CFAP54: variants seen among roughly 807,000 people sequenced by gnomAD.
CFAP54 encodes cilia- and flagella-associated protein 54.
A neutral mutation model predicts 370.4 loss-of-function variants in CFAP54; 290 were observed. The observed-to-expected ratio is 0.78, with a 90% CI of 0.71 to 0.86. CFAP54 has a LOEUF of 0.86. Among genes scored for constraint, CFAP54 ranks in the 40% least tolerant of loss-of-function variants. The pLI is 0.00. For missense variants in CFAP54, 3,399 were observed against 3,528.7 expected (o/e 0.96, Z 0.93); for synonymous variants, 1,206 against 1,236.5 (o/e 0.98, Z 0.52).
intron 3 of CFAP54, among the ~76,000 whole-genome samples, chr12:96,506,075 C>T (rs924431658): frequency 2.0e-5 from 3 of 152,130 alleles, no homozygotes; most frequent in African/African-American, 7.2e-5. Context: ...CGCGGTGGCT[C>T]ACGCCTGTAA....
chr12:96,710,694 T>A (rs1380350231), intron 48 of CFAP54, among the ~76,000 whole-genome samples: 1 of 151,872 alleles, frequency 6.6e-6, no homozygotes, highest in African/African-American at 2.4e-5. Flanking sequence ...AGTTTTGCTC[T>A]TGTCACCCAG....
At chr12:96,654,974 G>A (rs1029039529) in intron 36 of CFAP54, among the ~76,000 whole-genome samples, 1 of 151,812 alleles carries the variant, frequency 6.6e-6, no homozygotes, top group Non-Finnish European at 1.5e-5. Context: ...ATTCTTTGGG[G>A]TATGAATTGA....
chr12:96,738,608 CTTT>C (rs71068829), intron 50 of CFAP54, among the ~76,000 whole-genome samples: 1 of 129,222 alleles, frequency 7.7e-6, no homozygotes, highest in African/African-American at 3.1e-5. Flanking sequence ...TCTAAATCTC[CTTT>C]TTTTTTTTTT....
chr12:96,554,630 T>C lies in CFAP54; in HGVS notation c.2284-46T>C. ...AATAGTATACAGCTATTTTTGTGTG[T>C]TTTGATAACTATATTTCTTTTTATT... On this transcript the variant is annotated intron_variant, in intron 16 of 67. Coordinates refer to ENST00000524981, the MANE Select transcript of CFAP54 (RefSeq NM_001306084.2). 2.0e-6 allele frequency: 3 copies of C among 1,472,848 alleles called. No individual in the cohort carries two copies. In the South Asian group the frequency reaches 4.0e-5, roughly 20 times the overall value. The allele number at this position is 1,472,848 out of a possible 1,614,324, so 91.2% of individuals were successfully genotyped here.
intron 14 of CFAP54, among the ~76,000 whole-genome samples, chr12:96,544,894 G>A (rs1332065413): frequency 6.6e-6 from 1 of 151,814 alleles, no homozygotes; most frequent in Non-Finnish European, 1.5e-5. Flanking sequence ...AAGCTATCAG[G>A]TATCTCTTCC....
chr12:96,539,259 C>T (rs1312224451), intron 13 of CFAP54, among the ~76,000 whole-genome samples: 1 of 151,504 alleles, frequency 6.6e-6, no homozygotes, highest in African/African-American at 2.4e-5. Context: ...TGGGGTTTCA[C>T]CATCTTGGCC....
intron 22 of CFAP54, among the ~76,000 whole-genome samples, chr12:96,584,450 C>T (rs1414470044): frequency 6.6e-5 from 10 of 151,966 alleles, no homozygotes; most frequent in African/African-American, 9.7e-5. Flanking sequence ...AGTGACAGAG[C>T]GAGACCCTGT....
intron 65 of CFAP54, among the ~76,000 whole-genome samples, chr12:96,826,999 ATGATTAATTATAATATGCAATTATATG>A (rs1565993951): frequency 1.1e-4 from 14 of 132,570 alleles, no homozygotes; most frequent in Admixed American, 7.8e-5. Context: ...GCAATTATAT[ATGATTAATTATAATATGCAATTATATG>A]TGATTATATA....
Position 96,550,583 on chromosome 12 carries a change from T to TA in CFAP54, c.2154+2612dup, listed in dbSNP as rs200580046. On this transcript the variant is annotated intron_variant, in intron 15 of 67. Coordinates refer to ENST00000524981, the MANE Select transcript of CFAP54 (RefSeq NM_001306084.2). ...CAAAGTGAGACTCTGTCTCAAAAAA[T>TA]AAAAAAATAAATAAAAGGGATATCT... Among the ~76,000 whole-genome samples the TA allele has an allele frequency of 9.6e-3, 1,453 of 151,938 alleles. 27 individuals carry two copies. The highest frequency in any genetic ancestry group is 0.033 in the African/African-American group (1,362 of 41,426).
chr12:96,540,760 T>C lies in CFAP54; in HGVS notation c.1927-77T>C, dbSNP rs995242700. Reference sequence around the variant, plus strand: ...AGAAGATGGTTGTTTCAAGGAAGTATAAGTTTTGAAAAATGTGACTGTTTC... The same window carrying C: ...AGAAGATGGTTGTTTCAAGGAAGTACAAGTTTTGAAAAATGTGACTGTTTC... On this transcript the variant is annotated intron_variant, in intron 13 of 67. Coordinates refer to ENST00000524981, the MANE Select transcript of CFAP54 (RefSeq NM_001306084.2). 3.2e-6 allele frequency: 3 copies of C among 950,000 alleles called. No homozygotes were observed. In the South Asian group the frequency reaches 9.4e-5, roughly 30 times the overall value. The allele number at this position is 950,000 out of a possible 1,614,324, so 58.8% of individuals were successfully genotyped here.
At chr12:96,762,206 C>T (rs1222934497) in intron 58 of CFAP54, among the ~76,000 whole-genome samples, 1 of 152,094 alleles carries the variant, frequency 6.6e-6, no homozygotes, top group Non-Finnish European at 1.5e-5. Context: ...TTTTAGATTG[C>T]TTATCGCTAG....
chr12:96,551,286 A>C lies in CFAP54; in HGVS notation c.2155-2896A>C, dbSNP rs573760042. The stretch of plus-strand genomic sequence containing the variant: ...AAAACAAGACAAAAAACCCTCCCCA[A>C]ACCCAAAAAAACCCGCCTCTGCCTA... On this transcript the variant is annotated intron_variant, in intron 15 of 67. Transcript: ENST00000524981. 2.7e-4 allele frequency among the ~76,000 whole-genome samples: 41 copies of C among 152,054 alleles called. 1 individual carries two copies. In the South Asian group the frequency reaches 7.5e-3, roughly 28 times the overall value.
At chr12:96,777,530 G>A (rs1326559892) in intron 60 of CFAP54, among the ~76,000 whole-genome samples, 6 of 152,020 alleles carry the variant, frequency 3.9e-5, no homozygotes, top group African/African-American at 1.4e-4. Flanking sequence ...TGTATTTTTA[G>A]TAGAGACGGG....
chr12:96,762,542 A>G (rs530135177), intron 58 of CFAP54, among the ~76,000 whole-genome samples: 6 of 152,318 alleles, frequency 3.9e-5, no homozygotes. Context: ...CTCAAGCCCA[A>G]CTTCCTCAAT....
chr12:96,682,398 C>CAAA, intron 40 of CFAP54: 1 of 777,518 alleles, frequency 1.3e-6, no homozygotes. Flanking sequence ...GACGAGGTCT[C>CAAA]ATTTTGTCAT....
At chr12:96,759,686 A>G (rs926018668) in intron 58 of CFAP54, among the ~76,000 whole-genome samples, 1 of 152,180 alleles carries the variant, frequency 6.6e-6, no homozygotes, top group Non-Finnish European at 1.5e-5. Flanking sequence ...CAGAGTGACC[A>G]TAGTACCTGT....
At chr12:96,590,549 C>T (rs983875807) in intron 23 of CFAP54, among the ~76,000 whole-genome samples, 5 of 152,136 alleles carry the variant, frequency 3.3e-5, no homozygotes, top group African/African-American at 1.2e-4. Context: ...TCAGGCAAGG[C>T]GTTGATAATT....
At chr12:96,528,698 T>C (rs1056221107) in intron 9 of CFAP54, among the ~76,000 whole-genome samples, 19 of 152,148 alleles carry the variant, frequency 1.2e-4, no homozygotes, top group African/African-American at 4.3e-4. Flanking sequence ...TCACCAGGGG[T>C]CCACCAGTTT....
chr12:96,607,350 C>T (rs1296341446), intron 26 of CFAP54, among the ~76,000 whole-genome samples: 1 of 151,194 alleles, frequency 6.6e-6, no homozygotes. Flanking sequence ...AAAAAAAAGG[C>T]AGAGAGCACT....
Sources: gnomAD v4.1 joint callset for allele counts (sites outside exome capture counted in the v4.1 genomes callset) on GRCh38, gnomAD v4.1.1 for gene constraint, MANE v1.5 for transcripts, NCBI Gene and HGNC (gene_info 2026-07-23, HGNC 2026-07-21) for gene names.